Variants in SLC25A26 observed in about 807,000 individuals in gnomAD.
SLC25A26 encodes solute carrier family 25 member 26.
In SLC25A26, 36 loss-of-function variants were observed where a neutral mutation model predicts 37.8. The ratio of observed to expected loss-of-function variants is 0.95; its 90% CI spans 0.73 to 1.26. The LOEUF is 1.26. Ranked by LOEUF, SLC25A26 falls within the 50% of genes most tolerant of loss-of-function variation. The pLI is 0.00. For synonymous variants in SLC25A26, 129 were observed against 122.5 expected, an observed-to-expected ratio of 1.05 and a Z score of -0.35; for missense variants, 390 against 331.1, an observed-to-expected ratio of 1.18 and a Z score of -1.38.
At chr3:66,224,530 C>T (rs782458011) in intron 1 of SLC25A26, among the ~76,000 whole-genome samples, 17 of 152,190 alleles carry the variant, frequency 1.1e-4, no homozygotes, top group Admixed American at 6.5e-4. Context: ...TCCCACAACA[C>T]ATTGGAATTA....
At chr3:66,227,506 G>A (rs2071813295) in intron 1 of SLC25A26, among the ~76,000 whole-genome samples, 1 of 152,178 alleles carries the variant, frequency 6.6e-6, no homozygotes, top group South Asian at 2.1e-4. Context: ...TTTGTGGACT[G>A]AACAAGTGGT....
intron 5 of SLC25A26, among the ~76,000 whole-genome samples, chr3:66,266,715 C>T (rs1254433893): frequency 6.6e-6 from 1 of 151,602 alleles, no homozygotes; most frequent in Non-Finnish European, 1.5e-5. Flanking sequence ...ACTACCTCAT[C>T]CTTTTAGTGT....
At chr3:66,219,491 A>G (rs902813040), upstream of SLC25A26, among the ~76,000 whole-genome samples, 10 of 152,272 alleles carry the variant, frequency 6.6e-5, no homozygotes, top group Non-Finnish European at 1.3e-4. Flanking sequence ...AGACATTAAT[A>G]GCAGCAACAG....
At chr3:66,325,986 C>T (rs1432140303) in intron 5 of SLC25A26, among the ~76,000 whole-genome samples, 1 of 152,122 alleles carries the variant, frequency 6.6e-6, no homozygotes, top group South Asian at 2.1e-4. Flanking sequence ...ACTAGGAGTA[C>T]ATTAGGGAGA....
intron 5 of SLC25A26, among the ~76,000 whole-genome samples, chr3:66,278,892 G>A (rs992781124): frequency 6.6e-6 from 1 of 152,064 alleles, no homozygotes; most frequent in Non-Finnish European, 1.5e-5. Context: ...TTCTTTCATA[G>A]CTCTTCTGTA....
intron 7 of SLC25A26, among the ~76,000 whole-genome samples, chr3:66,366,232 T>C (rs149027938): frequency 1.3e-5 from 2 of 152,336 alleles, no homozygotes; most frequent in Non-Finnish European, 2.9e-5. Flanking sequence ...AATAATTATT[T>C]CCTGTCTCAT....
chr3:66,354,146 T>C (rs1193963086), intron 6 of SLC25A26, among the ~76,000 whole-genome samples: 1 of 152,014 alleles, frequency 6.6e-6, no homozygotes, highest in Non-Finnish European at 1.5e-5. Context: ...TAAAATTTCC[T>C]GTGAGAATGC....
intron 5 of SLC25A26, among the ~76,000 whole-genome samples, chr3:66,321,405 C>T (rs1461286128): frequency 1.3e-5 from 2 of 152,212 alleles, no homozygotes; most frequent in African/African-American, 4.8e-5. Context: ...CAGTCACCTC[C>T]TGCACTGGGC....
At chr3:66,294,534 A>G (rs1403280524) in intron 5 of SLC25A26, among the ~76,000 whole-genome samples, 1 of 152,140 alleles carries the variant, frequency 6.6e-6, no homozygotes, top group East Asian at 1.9e-4. Flanking sequence ...ATCATGTAGT[A>G]TTTGTTTATT....
intron 1 of SLC25A26, among the ~76,000 whole-genome samples, chr3:66,176,297 C>T (rs558994228): frequency 6.6e-6 from 1 of 152,044 alleles, no homozygotes; most frequent in Non-Finnish European, 1.5e-5. Flanking sequence ...TGTCTTCCAT[C>T]GAAACTAAGA....
chr3:66,300,587 A>C lies in SLC25A26; in HGVS notation c.453+37208A>C, dbSNP rs55740049. Among the ~76,000 whole-genome samples the C allele has an allele frequency of 5.0e-3, 758 of 152,220 alleles. 11 individuals carry two copies. The highest frequency in any genetic ancestry group is 0.013 in the African/African-American group (560 of 41,544). ...TGCTCGTTTTTTGTTTTTAAGATCC[A>C]TAACAGAATAAGGATTTATATACAT... On this transcript the variant is annotated intron_variant, in intron 5 of 9. Coordinates refer to ENST00000354883, the MANE Select transcript of SLC25A26 (RefSeq NM_001379210.1).
At chr3:66,294,982 T>C (rs750704331) in intron 5 of SLC25A26, among the ~76,000 whole-genome samples, 1 of 152,220 alleles carries the variant, frequency 6.6e-6, no homozygotes, top group Non-Finnish European at 1.5e-5. Flanking sequence ...AAAAACACTT[T>C]ACTGCTGTTC....
At chr3:66,304,024 A>G (rs949404718) in intron 5 of SLC25A26, among the ~76,000 whole-genome samples, 4 of 152,190 alleles carry the variant, frequency 2.6e-5, no homozygotes, top group Admixed American at 2.0e-4. Context: ...TTATTTCTTC[A>G]GAGCCAGCAG....
intron 5 of SLC25A26, among the ~76,000 whole-genome samples, chr3:66,270,118 T>C (rs1392528720): frequency 3.3e-5 from 5 of 152,188 alleles, no homozygotes; most frequent in South Asian, 2.1e-4. Context: ...GCTTTTGATA[T>C]ACTACATTAC....
intron 5 of SLC25A26, among the ~76,000 whole-genome samples, chr3:66,342,703 A>G (rs1353337709): frequency 6.6e-6 from 1 of 152,162 alleles, no homozygotes; most frequent in Non-Finnish European, 1.5e-5. Context: ...TACCACACCC[A>G]GATTTCATTT....
At chr3:66,176,410 T>G (rs955979201) in intron 1 of SLC25A26, among the ~76,000 whole-genome samples, 1 of 152,164 alleles carries the variant, frequency 6.6e-6, no homozygotes, top group African/African-American at 2.4e-5. Flanking sequence ...GTGGCATCCT[T>G]TAGAAGTGAC....
intron 1 of SLC25A26, among the ~76,000 whole-genome samples, chr3:66,223,350 A>G (rs1001798393): frequency 3.3e-5 from 5 of 152,148 alleles, no homozygotes; most frequent in African/African-American, 7.2e-5. Flanking sequence ...GGTGAGGCCT[A>G]ATGGGTAAGG....
chr3:66,300,893 G>GT (rs1289490905), intron 5 of SLC25A26, among the ~76,000 whole-genome samples: 2 of 151,954 alleles, frequency 1.3e-5, no homozygotes, highest in African/African-American at 4.8e-5. Context: ...AGAGTTTTTT[G>GT]TTTTTTCCAA....
intron 1 of SLC25A26, among the ~76,000 whole-genome samples, chr3:66,145,530 G>A (rs1199971281): frequency 6.6e-6 from 1 of 152,108 alleles, no homozygotes; most frequent in African/African-American, 2.4e-5. Context: ...CTTCTGCTTT[G>A]TTTAAAAAGC....
Sources: gnomAD v4.1 joint callset for allele counts (sites outside exome capture counted in the v4.1 genomes callset) on GRCh38, gnomAD v4.1.1 for gene constraint, MANE v1.5 for transcripts, NCBI Gene and HGNC (gene_info 2026-07-23, HGNC 2026-07-21) for gene names.